GALNT18: variants seen among roughly 807,000 people sequenced by gnomAD.
The protein encoded by GALNT18 is polypeptide N-acetylgalactosaminyltransferase 18.
A neutral mutation model predicts 69.5 loss-of-function variants in GALNT18; 44 were observed. The observed-to-expected ratio is 0.63, with a 90% confidence interval of 0.50 to 0.81. The LOEUF is 0.81. GALNT18 is among the 40% of genes least tolerant of loss of function. The probability of loss-of-function intolerance (pLI) is 0.00; values close to 1 mark genes in which losing one functional copy is unlikely to be tolerated. For missense variants in GALNT18, 715 were observed against 810.0 expected (o/e 0.88, Z 1.42); for synonymous variants, 364 against 318.2 (o/e 1.14, Z -1.53).
At chr11:11,401,614 T>G (rs1854469034) in intron 3 of GALNT18, among the ~76,000 whole-genome samples, 2 of 152,246 alleles carry the variant, frequency 1.3e-5, no homozygotes, top group Non-Finnish European at 2.9e-5. Flanking sequence ...GAATAGCCCC[T>G]TCTGTTGCTC....
At chr11:11,323,487 T>C (rs920385778) in intron 9 of GALNT18, among the ~76,000 whole-genome samples, 2 of 152,242 alleles carry the variant, frequency 1.3e-5, no homozygotes, top group African/African-American at 4.8e-5. Flanking sequence ...TTTGGCTCAA[T>C]GCTCTGCCCT....
At position 11,340,826 on chromosome 11, in the gene GALNT18, G is replaced by T. The variant is rs766284531; in HGVS notation, c.1271C>A (p.Pro424Gln). ...CCTACCGGAGATCCCTACCTCCTGCGGTATGTTCCATGCCATGTAGACGTG... is the reference window on the plus strand; with the variant it reads ...CCTACCGGAGATCCCTACCTCCTGCTGTATGTTCCATGCCATGTAGACGTG... ...KSHVYMAWNI[P>Q]QEDSGIDIGD... The change falls in exon 7 of 11, where the codon CCG (proline) becomes CAG (glutamine). Residue 424 changes from proline to glutamine, a missense_variant. Pro to Gln is a moderately conservative substitution (Grantham distance 76, BLOSUM62 -1). Transcript: ENST00000227756. This position sits in a 1 kb window ranked among gnomAD's most constrained non-coding sequence, Gnocchi z 4.2. 6 of 1,608,706 alleles carry T rather than the reference G, an allele frequency of 3.7e-6. No individual in the cohort carries two copies. The highest frequency in any genetic ancestry group is 1.3e-5 in the African/African-American group (1 of 74,698).
intron 6 of GALNT18, among the ~76,000 whole-genome samples, chr11:11,360,228 C>T (rs1850615213): frequency 6.6e-6 from 1 of 152,206 alleles, no homozygotes; most frequent in Admixed American, 6.5e-5. Context: ...CTTCAGGATG[C>T]TCACTCCTTC....
rs1388394076 is a variant in GALNT18, at chr11:11,497,370, A to ACACACACACACAC, written c.236-48435_236-48434insGTGTGTGTGTGTG. Among the ~76,000 whole-genome samples the ACACACACACACAC allele has an allele frequency of 7.4e-6, 1 of 134,622 alleles. No homozygotes were observed. Among genetic ancestry groups the ACACACACACACAC allele is most frequent in the African/African-American group, 3.0e-5 (1 of 32,928 alleles). 88.3% of individuals were successfully genotyped at this position (134,622 alleles called of 152,430 possible). A position where few individuals can be genotyped will look rare whatever the true frequency, so the allele number is the denominator to read the frequency against. ...CACACACACACACACACACACACAC[A>ACACACACACACAC]CCCCTTAGAATGGGGCTCCTTAAGA... On this transcript the variant is annotated intron_variant, in intron 1 of 10. Coordinates refer to ENST00000227756, the MANE Select transcript of GALNT18 (RefSeq NM_198516.3). The surrounding 1 kb of genome is among the most constrained non-coding windows in gnomAD (Gnocchi z 4.2).
chr11:11,312,732 G>A (rs911843799), intron 9 of GALNT18, among the ~76,000 whole-genome samples: 1 of 152,208 alleles, frequency 6.6e-6, no homozygotes, highest in African/African-American at 2.4e-5. Flanking sequence ...TTCAAAGGCT[G>A]CGTGTCTGCA....
chr11:11,436,483 C>G lies in GALNT18; in HGVS notation c.429-3696G>C, dbSNP rs574687903. Among the ~76,000 whole-genome samples, 2 of 152,170 alleles carry G rather than the reference C, an allele frequency of 1.3e-5. No individual in the cohort carries two copies. The highest frequency in any genetic ancestry group is 2.9e-5 in the Non-Finnish European group (2 of 68,028). On this transcript the variant is annotated intron_variant, in intron 2 of 10. Coordinates refer to ENST00000227756, the MANE Select transcript of GALNT18 (RefSeq NM_198516.3). This position sits in a 1 kb window ranked among gnomAD's most constrained non-coding sequence, Gnocchi z 4.5. ...CACCAGGTCAGGCGGTCCCCCATGC[C>G]TATACCACCAGCTCTGAGGGCACAG...
intron 1 of GALNT18, among the ~76,000 whole-genome samples, chr11:11,533,632 A>G (rs1408276247): frequency 1.3e-5 from 2 of 152,186 alleles, no homozygotes; most frequent in Non-Finnish European, 1.5e-5. Context: ...TCCTCTCCAC[A>G]ACAGCTATTT....
chr11:11,401,215 A>T (rs1338910200), intron 3 of GALNT18, among the ~76,000 whole-genome samples: 1 of 152,188 alleles, frequency 6.6e-6, no homozygotes, highest in Non-Finnish European at 1.5e-5. Context: ...GAGAATCAGG[A>T]AATCATGATA....
At position 11,318,130 on chromosome 11, in the gene GALNT18, G is replaced by A. The variant is rs1320057894; in HGVS notation, c.1512+8956C>T. ...TTACCATGTCTGGCCAGTGAAATGA[G>A]AGAGGAAGTGATGGGAGACCCTTTT... On this transcript the variant is annotated intron_variant, in intron 9 of 10. Coordinates refer to ENST00000227756, the MANE Select transcript of GALNT18 (RefSeq NM_198516.3). The surrounding 1 kb of genome is among the most constrained non-coding windows in gnomAD (Gnocchi z 5.1). Among the ~76,000 whole-genome samples, 1 of 152,188 alleles carries A rather than the reference G, an allele frequency of 6.6e-6. No homozygotes were observed. Among genetic ancestry groups the A allele is most frequent in the Non-Finnish European group, 1.5e-5 (1 of 68,036 alleles).
rs1347056324 is a variant in GALNT18, at chr11:11,332,872, G to A, written c.1279-41C>T. ...GAAGCAGAGATGAAGCCACTCCCAGGTTGCAGCTTCTCCCCAAACTCTACT... is the reference window on the plus strand; with the variant it reads ...GAAGCAGAGATGAAGCCACTCCCAGATTGCAGCTTCTCCCCAAACTCTACT... On this transcript the variant is annotated intron_variant, in intron 7 of 10. Coordinates refer to ENST00000227756, the MANE Select transcript of GALNT18 (RefSeq NM_198516.3). This position sits in a 1 kb window ranked among gnomAD's most constrained non-coding sequence, Gnocchi z 4.3. 1 of 1,603,656 alleles carries A rather than the reference G, an allele frequency of 6.2e-7. No homozygotes were observed. Among genetic ancestry groups the A allele is most frequent in the Admixed American group, 1.7e-5 (1 of 59,982 alleles).
chr11:11,418,413 T>G (rs764280634), intron 3 of GALNT18, among the ~76,000 whole-genome samples: 1 of 152,242 alleles, frequency 6.6e-6, no homozygotes. Flanking sequence ...ATTCCTTCCC[T>G]AATTAAGACG....
chr11:11,404,695 T>A lies in GALNT18; in HGVS notation c.596-25431A>T, dbSNP rs1854548250. ...GGGACTCTCTCTGTCTCAACTCTCA[T>A]TTCAACCTAACTCTGACTTCATCTC... is the stretch of plus-strand genomic sequence containing the variant. On this transcript the variant is annotated intron_variant, in intron 3 of 10. Transcript: ENST00000227756. This position sits in a 1 kb window ranked among gnomAD's most constrained non-coding sequence, Gnocchi z 4.5. Among the ~76,000 whole-genome samples, 1 of 152,206 alleles carries A rather than the reference T, an allele frequency of 6.6e-6. No homozygotes were observed.
In GALNT18 at chr11:11,389,831, C is replaced by A. The variant is rs754326594; in HGVS notation, c.596-10567G>T. On this transcript the variant is annotated intron_variant, in intron 3 of 10. Transcript: ENST00000227756. The surrounding 1 kb of genome is among the most constrained non-coding windows in gnomAD (Gnocchi z 4.3). ...TCCAGGAGGCCCAGGTCCAGGTCCTCCTGCCCTATGTGTGAGCACTCAGGA... is the reference window on the plus strand; with the variant it reads ...TCCAGGAGGCCCAGGTCCAGGTCCTACTGCCCTATGTGTGAGCACTCAGGA... Among the ~76,000 whole-genome samples, 35 of 152,172 alleles carry A rather than the reference C, an allele frequency of 2.3e-4. No individual in the cohort carries two copies. The highest frequency in any genetic ancestry group is 4.6e-4 in the Non-Finnish European group (31 of 68,038).
chr11:11,352,343 G>A (rs2133068267), intron 6 of GALNT18: 2 of 1,614,056 alleles, frequency 1.2e-6, no homozygotes, highest in African/African-American at 2.7e-5. Flanking sequence ...TGTTGTATTT[G>A]TCAATATAGC....
intron 3 of GALNT18, among the ~76,000 whole-genome samples, chr11:11,386,543 T>A (rs575651135): frequency 5.3e-5 from 8 of 152,246 alleles, no homozygotes; most frequent in Non-Finnish European, 1.0e-4. Context: ...TGTGTATGGA[T>A]GTGTGTTTGA....
At chr11:11,524,715 A>C (rs559872928) in intron 1 of GALNT18, among the ~76,000 whole-genome samples, 68 of 152,302 alleles carry the variant, frequency 4.5e-4, no homozygotes, top group African/African-American at 1.6e-3. Context: ...ATTCTAAGTC[A>C]CTGATTTGGG....
At position 11,341,424 on chromosome 11, in the gene GALNT18, C is replaced by G. The variant is rs1264340582; in HGVS notation, c.1093-420G>C. Among the ~76,000 whole-genome samples the G allele has an allele frequency of 6.6e-6, 1 of 152,076 alleles. No individual in the cohort carries two copies. Among genetic ancestry groups the G allele is most frequent in the East Asian group, 1.9e-4 (1 of 5,148 alleles). The stretch of plus-strand genomic sequence containing the variant: ...CAGCAAGACTCCCAGCAGAGACTTC[C>G]TCTTCAAATGGACCACATGGGCCTG... On this transcript the variant is annotated intron_variant, in intron 6 of 10. Coordinates refer to ENST00000227756, the MANE Select transcript of GALNT18 (RefSeq NM_198516.3). The surrounding 1 kb of genome is among the most constrained non-coding windows in gnomAD (Gnocchi z 6.3).
intron 10 of GALNT18, among the ~76,000 whole-genome samples, chr11:11,289,920 A>T (rs749845462): frequency 3.0e-4 from 45 of 152,318 alleles, no homozygotes; most frequent in Middle Eastern, 3.4e-3. Flanking sequence ...GAACACAGAA[A>T]GGCTGAGGCT....
rs963240815 is a variant in GALNT18, at chr11:11,621,649, C to T, written c.-56G>A. On this transcript the variant is annotated 5_prime_UTR_variant, in exon 1 of 11. Coordinates refer to ENST00000227756, the MANE Select transcript of GALNT18 (RefSeq NM_198516.3). This position sits in a 1 kb window ranked among gnomAD's most constrained non-coding sequence, Gnocchi z 9.3. ...GGGGGCCCTTCCTTGTCGTGCGCCC[C>T]GAACTCCCCCGCGCTCGCACCCCGT... 1 of 1,333,760 alleles carries T rather than the reference C, an allele frequency of 7.5e-7. No homozygotes were observed. Among genetic ancestry groups the T allele is most frequent in the Admixed American group, 2.0e-5 (1 of 49,620 alleles). 82.6% of individuals were successfully genotyped at this position (1,333,760 alleles called of 1,614,324 possible). A position where few individuals can be genotyped will look rare whatever the true frequency, so the allele number is the denominator to read the frequency against.
Sources: gnomAD v4.1 joint callset for allele counts (sites outside exome capture counted in the v4.1 genomes callset) on GRCh38, gnomAD v4.1.1 for gene constraint, Gnocchi (gnomAD v3.1) non-coding constraint, MANE v1.5 for transcripts, NCBI Gene and HGNC (gene_info 2026-07-23, HGNC 2026-07-21) for gene names.